The following CDH23 variants were observed in gnomAD, a reference collection of about 807,000 sequenced individuals.
CDH23 encodes cadherin related 23.
CDH23 carries 189 observed loss-of-function variants against 317.1 expected under a neutral mutation model. The observed-to-expected ratio is 0.60, with a 90% CI of 0.53 to 0.67. CDH23 has a LOEUF of 0.67. CDH23 is among the 30% of genes least tolerant of loss of function. The pLI, the probability that CDH23 is intolerant of heterozygous loss-of-function variation, is 0.00. For synonymous variants in CDH23, 1,839 were observed against 1,876.8 expected (o/e 0.98, Z 0.52); for missense variants, 4,401 against 4,592.4 (o/e 0.96, Z 1.20).
Position 71,530,279 on chromosome 10 carries a change from AGGCTGGGTGAG to A in CDH23, c.429+19069_429+19079del, listed in dbSNP as rs1855295250. Among the ~76,000 whole-genome samples the A allele has an allele frequency of 5.3e-5, 8 of 152,266 alleles. No homozygotes were observed. The South Asian group carries it at 1.7e-3, about 32-fold the overall frequency. On this transcript the variant is annotated intron_variant, in intron 6 of 69. Transcript: ENST00000224721. ...CTTGGGGGCTCTGGACCCGTCGGCCAGGCTGGGTGAGGAGAGAGAGGCCCACCTTTCCCGGC... is the reference window on the plus strand; with the variant it reads ...CTTGGGGGCTCTGGACCCGTCGGCCAGAGAGAGAGGCCCACCTTTCCCGGC...
At chr10:71,410,529 T>G (rs1848302705) in intron 1 of CDH23, among the ~76,000 whole-genome samples, 1 of 152,206 alleles carries the variant, frequency 6.6e-6, no homozygotes, top group African/African-American at 2.4e-5. Context: ...GGCAACTTTT[T>G]AAATGAAGTA....
At chr10:71,578,023 C>T (rs1281740928) in intron 9 of CDH23, 31 bp downstream of exon 9, 3 of 1,559,124 alleles carry the variant, frequency 1.9e-6, no homozygotes, top group Non-Finnish European at 1.7e-6. Flanking sequence ...TCTCTCCTCT[C>T]ACCCCTCTGT....
Position 71,783,133 on chromosome 10 carries a change from ACCTT to A in CDH23, c.5369-1152_5369-1149del, listed in dbSNP as rs144401859. ...AAAGGGAAAGTGAAGGAGGTAACTAACCTTCTCTCCATTCCATTTCCTGGGGGAA... is the reference window on the plus strand; with the variant it reads ...AAAGGGAAAGTGAAGGAGGTAACTAACTCTCCATTCCATTTCCTGGGGGAA... On this transcript the variant is annotated intron_variant, in intron 41 of 69. Transcript: ENST00000224721. 7.5e-4 allele frequency among the ~76,000 whole-genome samples: 114 copies of A among 152,210 alleles called. 3 individuals carry two copies. The East Asian group carries it at 0.021, about 29-fold the overall frequency.
intron 42 of CDH23, 22 bp from the exon 43 acceptor site, chr10:71,784,869 C>A: frequency 6.2e-7 from 1 of 1,605,164 alleles, no homozygotes; most frequent in Non-Finnish European, 8.5e-7. Flanking sequence ...TCCCCTCCCT[C>A]CTCCTTCTCT....
chr10:71,715,607 G>A (rs1866178523), intron 28 of CDH23: 1 of 239,402 alleles, frequency 4.2e-6, no homozygotes, highest in Admixed American at 5.4e-5. Context: ...GGCGAGCGAG[G>A]GTGCTGCTTC....
intron 11 of CDH23, among the ~76,000 whole-genome samples, chr10:71,639,818 C>G (rs911037329): frequency 6.6e-6 from 1 of 152,132 alleles, no homozygotes; most frequent in Non-Finnish European, 1.5e-5. Context: ...GGTTTTGCAC[C>G]AACTTAGCAA....
chr10:71,805,330 TCCC>T (rs746303851), intron 55 of CDH23, among the ~76,000 whole-genome samples: 1 of 152,092 alleles, frequency 6.6e-6, no homozygotes, highest in East Asian at 1.9e-4. Flanking sequence ...CCTGCCTGTG[TCCC>T]CCCCATTTTC....
intron 3 of CDH23, among the ~76,000 whole-genome samples, chr10:71,491,733 G>T (rs1461469460): frequency 6.6e-6 from 1 of 152,186 alleles, no homozygotes; most frequent in Non-Finnish European, 1.5e-5. Flanking sequence ...AGGTAAAGAG[G>T]TCTTCATAGC....
At chr10:71,530,950 C>T (rs1226604139) in intron 6 of CDH23, among the ~76,000 whole-genome samples, 1 of 152,218 alleles carries the variant, frequency 6.6e-6, no homozygotes, top group East Asian at 1.9e-4. Flanking sequence ...TCAGAATATG[C>T]ATGATACATA....
At chr10:71,516,538 G>T (rs1390226477) in intron 6 of CDH23, among the ~76,000 whole-genome samples, 1 of 152,240 alleles carries the variant, frequency 6.6e-6, no homozygotes, top group African/African-American at 2.4e-5. Context: ...ATTTGTCAAT[G>T]AAATCAAATA....
At chr10:71,432,297 T>TAA (rs1554823833) in intron 1 of CDH23, among the ~76,000 whole-genome samples, 1 of 147,868 alleles carries the variant, frequency 6.8e-6, no homozygotes, top group Admixed American at 6.7e-5. Flanking sequence ...AGTGTGTGTG[T>TAA]GAGTGTGTGA....
intron 2 of CDH23, among the ~76,000 whole-genome samples, chr10:71,446,085 C>T (rs557330646): frequency 6.6e-6 from 1 of 152,322 alleles, no homozygotes; most frequent in African/African-American, 2.4e-5. Context: ...GCTCAGCAGG[C>T]ACGTGTGGCC....
intron 28 of CDH23, chr10:71,717,645 C>G (rs1405720336): frequency 1.3e-5 from 2 of 152,260 alleles, no homozygotes; most frequent in Non-Finnish European, 2.9e-5. Flanking sequence ...TGAGCAGGGC[C>G]ACCTGGAGAG....
At chr10:71,637,345 T>C (rs1862324963) in intron 11 of CDH23, among the ~76,000 whole-genome samples, 2 of 152,026 alleles carry the variant, frequency 1.3e-5, no homozygotes, top group Admixed American at 1.3e-4. Context: ...AATCAGCTCC[T>C]TCCCAGGGAT....
At chr10:71,705,806 C>G (rs1208260643) in intron 25 of CDH23, among the ~76,000 whole-genome samples, 1 of 152,028 alleles carries the variant, frequency 6.6e-6, no homozygotes, top group Admixed American at 6.5e-5. Context: ...GTTTAGCAGG[C>G]AAGACATGGC....
chr10:71,810,649 C>G (rs1391982426), intron 62 of CDH23, 80 bp downstream of exon 62: 2 of 1,283,766 alleles, frequency 1.6e-6, no homozygotes, highest in Middle Eastern at 2.0e-4. Flanking sequence ...GGGGACACAC[C>G]AAAGGAGACA....
At chr10:71,717,817 C>T (rs1866350171) in intron 28 of CDH23, 1 of 152,088 alleles carries the variant, frequency 6.6e-6, no homozygotes, top group South Asian at 2.1e-4. Flanking sequence ...TAAATGTTGG[C>T]AGCTAATTCA....
At position 71,739,625 on chromosome 10, in the gene CDH23, C is replaced by T. The variant is rs1348469030; in HGVS notation, c.4360-19C>T. ...CTCCTCCACACCTGCTCACCCCTCA[C>T]CCTCTCTTCTCCCCACAGGTGGTCT... is the stretch of plus-strand genomic sequence containing the variant. On this transcript the variant is annotated intron_variant, in intron 35 of 69. Transcript: ENST00000224721. 1.2e-6 allele frequency: 2 copies of T among 1,611,306 alleles called. No individual in the cohort carries two copies. The highest frequency in any genetic ancestry group is 3.3e-5 in the Admixed American group (2 of 59,806).
intron 52 of CDH23, 133 bp downstream of exon 52, chr10:71,799,762 T>C (rs1841507251): frequency 2.4e-6 from 3 of 1,242,052 alleles, no homozygotes; most frequent in Non-Finnish European, 3.4e-6. Context: ...AGAGGTTCTT[T>C]AGCCAAGTCA....
Sources: allele counts gnomAD v4.1 joint callset (sites outside exome capture counted in the v4.1 genomes callset), GRCh38; gene constraint gnomAD v4.1.1; transcripts MANE v1.5; gene names NCBI Gene and HGNC (gene_info 2026-07-23, HGNC 2026-07-21).